MROH2B: variants seen among roughly 807,000 people sequenced by gnomAD.
MROH2B encodes maestro heat-like repeat-containing protein family member 2B.
A neutral mutation model predicts 208.6 loss-of-function variants in MROH2B; 177 were observed. The ratio of observed to expected loss-of-function variants is 0.85; its 90% CI spans 0.75 to 0.96. The LOEUF is 0.96. MROH2B is among the 40% of genes least tolerant of loss of function. MROH2B has a pLI of 0.00. For synonymous variants in MROH2B, 728 were observed against 659.0 expected (o/e 1.10, Z -1.60); for missense variants, 2,002 against 1,878.7 (o/e 1.07, Z -1.21).
At chr5:41,049,242 T>A in intron 14 of MROH2B, 38 bp downstream of exon 14, 2 of 1,611,550 alleles carry the variant, frequency 1.2e-6, no homozygotes, top group Non-Finnish European at 1.7e-6. Context: ...GGATCCCTCA[T>A]AATAGAAAAG....
chr5:41,048,049 C>A (rs545069097), intron 16 of MROH2B, among the ~76,000 whole-genome samples: 2 of 151,952 alleles, frequency 1.3e-5, no homozygotes, highest in African/African-American at 4.8e-5. Context: ...TAGAACAATG[C>A]TAAAATAGAA....
rs75459385 is a variant in MROH2B at position 41,005,699 on chromosome 5, C to T, written c.3750-54G>A. 6.7e-4 allele frequency: 929 copies of T among 1,395,184 alleles called. 19 individuals carry two copies. In the East Asian group the frequency reaches 0.021, roughly 32 times the overall value. 86.4% of individuals were successfully genotyped at this position (1,395,184 alleles called of 1,614,324 possible). ...TATTTTACTAAACAATGGAGGAAAT[C>T]TTAGTCTGTTTGTTCATCAGGCAAG... On this transcript the variant is annotated intron_variant, in intron 34 of 41. Transcript: ENST00000399564.
At position 41,047,747 on chromosome 5, in the gene MROH2B, C is replaced by T. The variant is rs747780004; in HGVS notation, c.1702G>A (p.Val568Ile). The change falls in exon 17 of 42, where the codon GTT (valine) becomes ATT (isoleucine). Residue 568 changes from valine to isoleucine, a missense_variant. Coordinates refer to ENST00000399564, the MANE Select transcript of MROH2B (RefSeq NM_173489.5). The stretch of plus-strand genomic sequence containing the variant: ...TGAAGCAGCATGGTTTCCCATAGAA[C>T]GGTACTGATGTTCTTTCCTAGAAAC... ...QPLEGKNIST[V>I]LWETMLLQLL... 38 of 1,593,878 alleles carry T rather than the reference C, an allele frequency of 2.4e-5. No homozygotes were observed. In the South Asian group the frequency reaches 2.5e-4, roughly 11 times the overall value.
chr5:41,049,230 A>C, intron 14 of MROH2B, 50 bp downstream of exon 14: 1 of 1,611,018 alleles, frequency 6.2e-7, no homozygotes, highest in South Asian at 1.1e-5. Context: ...CTTCCTGGAA[A>C]TGGATCCCTC....
chr5:41,033,926 C>G (rs983004407), intron 21 of MROH2B, 62 bp from the exon 22 acceptor site: 81 of 1,544,006 alleles, frequency 5.2e-5, no homozygotes, highest in Non-Finnish European at 6.7e-5. Context: ...TATACCCAAC[C>G]CAACAAAAGG....
In MROH2B at chr5:41,005,673, A is replaced by T. The variant is rs1390190308; in HGVS notation, c.3750-28T>A. The T allele has an allele frequency of 3.9e-6, 6 of 1,532,728 alleles. No homozygotes were observed. The African/African-American group carries it at 5.5e-5, about 14-fold the overall frequency. The allele number at this position is 1,532,728 out of a possible 1,614,324, so 94.9% of individuals were successfully genotyped here. A position where few individuals can be genotyped will look rare whatever the true frequency, so the allele number is the denominator to read the frequency against. ...AGAAAATGCACATTTTAGCAGAGAC[A>T]TATTTTACTAAACAATGGAGGAAAT... On this transcript the variant is annotated intron_variant, in intron 34 of 41. Transcript: ENST00000399564.
At position 41,009,914 on chromosome 5, in the gene MROH2B, G is replaced by A. The variant is rs2111831274; in HGVS notation, c.3293+8C>T. On this transcript the variant is annotated splice_region_variant and intron_variant, in intron 31 of 41. Coordinates refer to ENST00000399564, the MANE Select transcript of MROH2B (RefSeq NM_173489.5). ...CTAGGAGAAGGAATCAGTTCAATAA[G>A]GATCTACCTGTCAAAAGGCAGAGGC... 1.2e-6 allele frequency: 2 copies of A among 1,612,582 alleles called. No homozygotes were observed. Among genetic ancestry groups the A allele is most frequent in the South Asian group, 1.1e-5 (1 of 90,882 alleles).
chr5:41,066,263 T>C lies in MROH2B; in HGVS notation c.202-773A>G, dbSNP rs1374770257. Among the ~76,000 whole-genome samples the C allele has an allele frequency of 3.3e-5, 5 of 152,148 alleles. No homozygotes were observed. In the East Asian group the frequency reaches 7.7e-4, roughly 23 times the overall value. ...GTGATGGCGAACTAGGTAAATTTGA[T>C]CAAATCCCCTCCTGAGGAAAATACA... On this transcript the variant is annotated intron_variant, in intron 3 of 41. Transcript: ENST00000399564.
intron 34 of MROH2B, 121 bp from the exon 35 acceptor site, chr5:41,005,766 C>T: frequency 6.1e-6 from 5 of 825,692 alleles, no homozygotes; most frequent in Non-Finnish European, 9.6e-6. Context: ...GGTGGTGGCT[C>T]ATGCCTGTAA....
chr5:40,998,763 T>C (rs781268456), intron 40 of MROH2B, 86 bp from the exon 41 acceptor site: 2 of 1,099,712 alleles, frequency 1.8e-6, no homozygotes, highest in Non-Finnish European at 2.7e-6. Flanking sequence ...CTGCACCTGG[T>C]GAGAAGGTAA....
chr5:41,053,549 G>A (rs1743347579), intron 11 of MROH2B, among the ~76,000 whole-genome samples: 1 of 152,158 alleles, frequency 6.6e-6, no homozygotes, highest in African/African-American at 2.4e-5. Context: ...TTTGAAAAGA[G>A]AGCGGGAAGA....
intron 18 of MROH2B, among the ~76,000 whole-genome samples, chr5:41,042,947 A>G (rs1018226237): frequency 6.6e-6 from 1 of 152,180 alleles, no homozygotes; most frequent in Non-Finnish European, 1.5e-5. Flanking sequence ...TAAGGTTCAA[A>G]TCATTCCTAG....
chr5:41,009,156 T>G (rs1414757400), intron 32 of MROH2B, 124 bp downstream of exon 32: 10 of 1,327,192 alleles, frequency 7.5e-6, no homozygotes, highest in East Asian at 4.7e-5. Flanking sequence ...TAAACTGGAG[T>G]AAAGTTAGGG....
At chr5:41,027,187 T>C (rs894109733) in intron 24 of MROH2B, among the ~76,000 whole-genome samples, 1 of 152,100 alleles carries the variant, frequency 6.6e-6, no homozygotes, top group Non-Finnish European at 1.5e-5. Flanking sequence ...AATTGACAAA[T>C]GGGATCTAGT....
At chr5:41,005,680 A>G (rs965877023) in intron 34 of MROH2B, 35 bp from the exon 35 acceptor site, 12 of 1,499,164 alleles carry the variant, frequency 8.0e-6, no homozygotes, top group Non-Finnish European at 1.1e-5. Context: ...GACATATTTT[A>G]CTAAACAATG....
chr5:41,031,233 C>A (rs954604414), intron 24 of MROH2B, among the ~76,000 whole-genome samples: 6 of 152,110 alleles, frequency 3.9e-5, no homozygotes, highest in African/African-American at 1.4e-4. Context: ...AAAGCAGGCA[C>A]CTCTTCACAA....
At chr5:41,069,584 T>C in intron 2 of MROH2B, 107 bp downstream of exon 2, 1 of 841,696 alleles carries the variant, frequency 1.2e-6, no homozygotes. Flanking sequence ...TAATGCCATG[T>C]AACAAGCCAG....
chr5:41,054,068 C>T (rs1279279384), intron 11 of MROH2B, among the ~76,000 whole-genome samples: 1 of 151,960 alleles, frequency 6.6e-6, no homozygotes, highest in Admixed American at 6.6e-5. Flanking sequence ...CAACCTCCAC[C>T]TCCCGGGCTC....
rs1743970596 is a variant in MROH2B at position 41,070,913 on chromosome 5, A to T, written c.-61T>A. 1.3e-6 allele frequency: 2 copies of T among 1,568,732 alleles called. No individual in the cohort carries two copies. Among genetic ancestry groups the T allele is most frequent in the Non-Finnish European group, 1.7e-6 (2 of 1,148,916 alleles). The stretch of plus-strand genomic sequence containing the variant: ...CTAAGTATTAGAAATAGTAAGGCTA[A>T]AAAATCAAAGAGGCAGGTTGGCAAG... On this transcript the variant is annotated 5_prime_UTR_variant, in exon 1 of 42. Transcript: ENST00000399564.
Sources: gnomAD v4.1 joint callset for allele counts (sites outside exome capture counted in the v4.1 genomes callset) on GRCh38, gnomAD v4.1.1 for gene constraint, MANE v1.5 for transcripts, NCBI Gene and HGNC (gene_info 2026-07-23, HGNC 2026-07-21) for gene names.